The following NRP1 variants were observed in gnomAD, a reference collection of about 807,000 sequenced individuals.
NRP1 encodes neuropilin 1.
Under a neutral mutation model 106.7 loss-of-function variants are expected in NRP1, and 35 were observed. That is an observed-to-expected ratio of 0.33 (90% CI 0.25 to 0.43). The LOEUF is 0.43. NRP1 is among the 20% of genes least tolerant of loss of function. The pLI is 1.00. For missense variants in NRP1, 1,024 were observed against 1,170.4 expected, an observed-to-expected ratio of 0.87 and a Z score of 1.83; for synonymous variants, 437 against 417.9, an observed-to-expected ratio of 1.05 and a Z score of -0.56.
intron 8 of NRP1, among the ~76,000 whole-genome samples, chr10:33,217,699 T>C (rs902498748): frequency 6.6e-6 from 1 of 152,222 alleles, no homozygotes; most frequent in Non-Finnish European, 1.5e-5. Flanking sequence ...GACATACTTA[T>C]TCTGAAAAAT....
chr10:33,265,189 C>A (rs2133255567), intron 3 of NRP1, among the ~76,000 whole-genome samples: 1 of 152,302 alleles, frequency 6.6e-6, no homozygotes, highest in Non-Finnish European at 1.5e-5. Flanking sequence ...ATGAGCACAT[C>A]AGCTCAGTCC....
chr10:33,312,954 A>G (rs61843239), intron 2 of NRP1, among the ~76,000 whole-genome samples: 13 of 152,218 alleles, frequency 8.5e-5, no homozygotes, highest in Non-Finnish European at 1.9e-4. Flanking sequence ...GCACACCTCA[A>G]ACTTGGTTTG....
chr10:33,285,675 C>A (rs1844474836), intron 2 of NRP1, among the ~76,000 whole-genome samples: 1 of 151,942 alleles, frequency 6.6e-6, no homozygotes, highest in Non-Finnish European at 1.5e-5. Flanking sequence ...ACTAAAAATA[C>A]AAAATTACCA....
chr10:33,191,274 C>T (rs1191662268), intron 13 of NRP1, among the ~76,000 whole-genome samples: 1 of 152,158 alleles, frequency 6.6e-6, no homozygotes, highest in Non-Finnish European at 1.5e-5. Context: ...GTCCCCCAAC[C>T]CATTCCTCCC....
At chr10:33,237,450 T>G (rs1840643926) in intron 6 of NRP1, among the ~76,000 whole-genome samples, 1 of 150,368 alleles carries the variant, frequency 6.7e-6, no homozygotes. Flanking sequence ...GCGGCCAGCT[T>G]TGATGAACTA....
intron 13 of NRP1, among the ~76,000 whole-genome samples, chr10:33,191,893 G>A (rs868694166): frequency 5.3e-5 from 8 of 149,906 alleles, no homozygotes; most frequent in Middle Eastern, 3.2e-3. Flanking sequence ...CAAGAGAATC[G>A]TGTGAAGCCA....
chr10:33,261,899 C>A (rs758862577), intron 4 of NRP1, among the ~76,000 whole-genome samples: 8 of 152,072 alleles, frequency 5.3e-5, no homozygotes, highest in Non-Finnish European at 1.2e-4. Flanking sequence ...CCATGCCCAG[C>A]TAATTTTTGT....
At chr10:33,283,008 T>C (rs1407297071) in intron 2 of NRP1, among the ~76,000 whole-genome samples, 3 of 152,124 alleles carry the variant, frequency 2.0e-5, no homozygotes, top group Admixed American at 2.0e-4. Flanking sequence ...CCTCCCAAAG[T>C]GCTGGGATTA....
At chr10:33,279,010 C>T (rs188725273) in intron 2 of NRP1, among the ~76,000 whole-genome samples, 15 of 152,024 alleles carry the variant, frequency 9.9e-5, no homozygotes, top group Admixed American at 7.2e-4. Flanking sequence ...AAAAGAGATC[C>T]AAAATGGCTT....
intron 2 of NRP1, among the ~76,000 whole-genome samples, chr10:33,291,526 A>G (rs577330786): frequency 8.5e-5 from 13 of 152,356 alleles, no homozygotes; most frequent in African/African-American, 3.1e-4. Context: ...ACAACTATGA[A>G]CAACAGCAAC....
At chr10:33,301,752 G>C (rs1249257528) in intron 2 of NRP1, among the ~76,000 whole-genome samples, 1 of 152,050 alleles carries the variant, frequency 6.6e-6, no homozygotes, top group Non-Finnish European at 1.5e-5. Context: ...AGAAAAAAAA[G>C]TTTTTGGAGA....
At chr10:33,226,881 A>G (rs1259600396) in intron 6 of NRP1, among the ~76,000 whole-genome samples, 3 of 152,172 alleles carry the variant, frequency 2.0e-5, no homozygotes, top group Admixed American at 6.5e-5. Context: ...TCTTCTATGT[A>G]TCTGATTGAT....
At chr10:33,207,024 GT>G (rs1837841013) in intron 10 of NRP1, among the ~76,000 whole-genome samples, 1 of 152,190 alleles carries the variant, frequency 6.6e-6, no homozygotes, top group South Asian at 2.1e-4. Context: ...GTCTTAGTCT[GT>G]CAAACGCTGC....
At chr10:33,319,148 G>A (rs1273536061) in intron 2 of NRP1, among the ~76,000 whole-genome samples, 3 of 151,802 alleles carry the variant, frequency 2.0e-5, no homozygotes, top group African/African-American at 7.3e-5. Flanking sequence ...GGGACTACAG[G>A]CGCCCGCCAC....
In NRP1 at chr10:33,317,687, A is replaced by G. The variant is rs539172822; in HGVS notation, c.248+13021T>C. Among the ~76,000 whole-genome samples, 35 of 151,460 alleles carry G rather than the reference A, an allele frequency of 2.3e-4. No homozygotes were observed. The South Asian group carries it at 6.2e-3, about 27-fold the overall frequency. The stretch of plus-strand genomic sequence containing the variant: ...AACATATTTACAATTCCTCAAGCAC[A>G]CATGAAAGAATAATTTTTTTAAGTC... On this transcript the variant is annotated intron_variant, in intron 2 of 16. Coordinates refer to ENST00000374867, the MANE Select transcript of NRP1 (RefSeq NM_003873.7).
intron 3 of NRP1, among the ~76,000 whole-genome samples, chr10:33,268,491 T>C (rs1843077502): frequency 6.6e-6 from 1 of 152,208 alleles, no homozygotes; most frequent in Non-Finnish European, 1.5e-5. Context: ...GTCTGAAGAA[T>C]GGGCTTGGAG....
At chr10:33,250,624 G>T (rs1448126646) in intron 6 of NRP1, among the ~76,000 whole-genome samples, 1 of 152,196 alleles carries the variant, frequency 6.6e-6, no homozygotes, top group African/African-American at 2.4e-5. Context: ...AAACAAGTGG[G>T]TGTTAGAGTC....
chr10:33,181,319 C>T (rs536356060), intron 16 of NRP1, among the ~76,000 whole-genome samples: 12 of 152,234 alleles, frequency 7.9e-5, no homozygotes, highest in Non-Finnish European at 1.3e-4. Context: ...AATACTCTCT[C>T]CCTTGATGAA....
intron 6 of NRP1, among the ~76,000 whole-genome samples, chr10:33,235,988 C>T (rs999484349): frequency 6.6e-6 from 1 of 152,100 alleles, no homozygotes; most frequent in Admixed American, 6.5e-5. Flanking sequence ...TTTAATGTCC[C>T]CTCCTCCCCT....
Sources: gnomAD v4.1 joint callset for allele counts (sites outside exome capture counted in the v4.1 genomes callset) on GRCh38, gnomAD v4.1.1 for gene constraint, MANE v1.5 for transcripts, NCBI Gene and HGNC (gene_info 2026-07-23, HGNC 2026-07-21) for gene names.